The following EIF2AK3 variants were observed in gnomAD, a reference collection of about 807,000 sequenced individuals.
The protein encoded by EIF2AK3 is eukaryotic translation initiation factor 2-alpha kinase 3.
A neutral mutation model predicts 113.5 loss-of-function variants in EIF2AK3; 50 were observed. The observed-to-expected ratio is 0.44, with a 90% CI of 0.35 to 0.56. The LOEUF is 0.56. Among genes scored for constraint, EIF2AK3 ranks in the 20% least tolerant of loss-of-function variants. The pLI, the probability that EIF2AK3 is intolerant of heterozygous loss-of-function variation, is 0.00. For missense variants in EIF2AK3, 1,185 were observed against 1,378.0 expected (o/e 0.86, Z 2.22); for synonymous variants, 448 against 495.4 (o/e 0.90, Z 1.27).
rs200955126 is a variant in EIF2AK3, at chr2:88,574,898, G to A, written c.2585C>T (p.Thr862Ile). The change falls in exon 13 of 17, where the codon ACT becomes ATT. Residue 862 changes from threonine to isoleucine, a missense_variant. By Grantham distance (89) the Thr-to-Ile change is moderately conservative (BLOSUM62 -1). Coordinates refer to ENST00000303236, the MANE Select transcript of EIF2AK3 (RefSeq NM_004836.7). ...TLSISPPRPT[T>I]LSLDLTKNTT... ...GTTTTTAGTGAGATCTAAACTTAAA[G>A]TGGTTGGTCTTGGAGGAGAAATAGA... is the stretch of plus-strand genomic sequence containing the variant. The A allele has an allele frequency of 1.5e-5, 24 of 1,614,218 alleles. No individual in the cohort carries two copies. The East Asian group carries it at 4.5e-4, about 30-fold the overall frequency.
At chr2:88,567,086 G>A (rs1329164811) in intron 14 of EIF2AK3, among the ~76,000 whole-genome samples, 1 of 152,036 alleles carries the variant, frequency 6.6e-6, no homozygotes, top group African/African-American at 2.4e-5. Flanking sequence ...CAATATCCAT[G>A]ATATTTCTTT....
chr2:88,580,766 T>C (rs1290305275), intron 10 of EIF2AK3, among the ~76,000 whole-genome samples: 1 of 152,222 alleles, frequency 6.6e-6, no homozygotes, highest in Non-Finnish European at 1.5e-5. Flanking sequence ...TACTCATTTA[T>C]TTAGTAGTTG....
intron 2 of EIF2AK3, among the ~76,000 whole-genome samples, chr2:88,600,512 A>C (rs1308551800): frequency 6.6e-6 from 1 of 152,116 alleles, no homozygotes; most frequent in African/African-American, 2.4e-5. Context: ...AAAAAGTCTA[A>C]ATTTTTGTAT....
At chr2:88,613,956 C>A (rs1432746830) in intron 1 of EIF2AK3, 103 bp from the exon 2 acceptor site, 2 of 1,086,538 alleles carry the variant, frequency 1.8e-6, no homozygotes, top group Non-Finnish European at 2.7e-6. Context: ...GGCCTCTATT[C>A]GTAGAAAGGA....
chr2:88,581,231 AC>A (rs1674592423), intron 10 of EIF2AK3, among the ~76,000 whole-genome samples: 1 of 148,682 alleles, frequency 6.7e-6, no homozygotes. Flanking sequence ...AAAAAAAAAG[AC>A]CCAAGAGCTG....
chr2:88,588,691 T>C, intron 7 of EIF2AK3, 70 bp downstream of exon 7: 1 of 1,559,086 alleles, frequency 6.4e-7, no homozygotes, highest in Admixed American at 1.7e-5. Context: ...TATTCAAAAC[T>C]AGGGCAAAGA....
intron 2 of EIF2AK3, among the ~76,000 whole-genome samples, chr2:88,606,089 T>A (rs1675264918): frequency 6.6e-6 from 1 of 152,314 alleles, no homozygotes; most frequent in East Asian, 1.9e-4. Context: ...AGCAGAGAAA[T>A]ATCAAGTTGA....
Position 88,590,874 on chromosome 2 carries a change from C to A in EIF2AK3, c.946G>T (p.Asp316Tyr). 6.2e-7 allele frequency: 1 copy of A among 1,614,098 alleles called. No homozygotes were observed. Among genetic ancestry groups the A allele is most frequent in the South Asian group, 1.1e-5 (1 of 91,072 alleles). Residue 316 changes from aspartate (D) to tyrosine (Y), a missense_variant, in exon 5 of 17, where the codon GAC becomes TAC. Asp to Tyr is a radical substitution (Grantham distance 160, BLOSUM62 -3). Transcript: ENST00000303236. ...MDIVIKVSVADWKVMAFSKKG... is the reference protein window; with the variant it reads ...MDIVIKVSVAYWKVMAFSKKG... The stretch of plus-strand genomic sequence containing the variant: ...TTACTGAATGCCATAACTTTCCAGT[C>A]AGCAACCGAAACCTTTATCACTATG...
intron 11 of EIF2AK3, 93 bp from the exon 12 acceptor site, chr2:88,576,796 G>C (rs1182694822): frequency 1.5e-6 from 2 of 1,360,880 alleles, no homozygotes; most frequent in South Asian, 2.5e-5. Context: ...AAAATATGTA[G>C]ATGTATTATA....
At chr2:88,622,969 T>C (rs1675768556) in intron 1 of EIF2AK3, among the ~76,000 whole-genome samples, 1 of 152,218 alleles carries the variant, frequency 6.6e-6, no homozygotes, top group Admixed American at 6.5e-5. Context: ...AGTTTGCAGA[T>C]GCACAAATTG....
intron 14 of EIF2AK3, among the ~76,000 whole-genome samples, chr2:88,570,333 C>T (rs1344355297): frequency 2.0e-5 from 3 of 152,198 alleles, no homozygotes; most frequent in Non-Finnish European, 2.9e-5. Context: ...GCATGCTCGC[C>T]TGATGCTTCC....
chr2:88,591,063 C>T lies in EIF2AK3; in HGVS notation c.768-11G>A. The T allele has an allele frequency of 6.2e-7, 1 of 1,610,526 alleles. No individual in the cohort carries two copies. Among genetic ancestry groups the T allele is most frequent in the Non-Finnish European group, 8.5e-7 (1 of 1,176,916 alleles). Reference sequence around the variant, plus strand: ...ACACTGAAATTCCACCTTAAATTTACAAAGGTGTGTTTTAGAAATTTACAT... The same window carrying T: ...ACACTGAAATTCCACCTTAAATTTATAAAGGTGTGTTTTAGAAATTTACAT... On this transcript the variant is annotated splice_polypyrimidine_tract_variant and intron_variant, in intron 4 of 16. Transcript: ENST00000303236.
chr2:88,613,627 G>C (rs1289204126), intron 2 of EIF2AK3, 97 bp downstream of exon 2: 3 of 1,325,452 alleles, frequency 2.3e-6, no homozygotes, highest in South Asian at 1.2e-5. Flanking sequence ...AGGCAGACAG[G>C]CCTCAAACCT....
intron 3 of EIF2AK3, among the ~76,000 whole-genome samples, chr2:88,594,830 TAAAAAA>T (rs58582485): frequency 8.7e-6 from 1 of 115,078 alleles, no homozygotes; most frequent in Admixed American, 9.3e-5. Flanking sequence ...TGTCAAAATG[TAAAAAA>T]AAAAAAAAAA....
At chr2:88,582,981 T>C (rs1674635324) in intron 10 of EIF2AK3, among the ~76,000 whole-genome samples, 1 of 152,208 alleles carries the variant, frequency 6.6e-6, no homozygotes, top group African/African-American at 2.4e-5. Context: ...TACTTTTAGC[T>C]AATCCATCTC....
In EIF2AK3 at chr2:88,627,267, C is replaced by T; in HGVS notation, c.8G>A (p.Arg3His). 1 of 1,486,038 alleles carries T rather than the reference C, an allele frequency of 6.7e-7. No individual in the cohort carries two copies. Among genetic ancestry groups the T allele is most frequent in the Non-Finnish European group, 8.9e-7 (1 of 1,124,120 alleles). 92.1% of individuals were successfully genotyped at this position (1,486,038 alleles called of 1,614,324 possible). Residue 3 changes from arginine to histidine, a missense_variant, in exon 1 of 17, where the codon CGC becomes CAC. Transcript: ENST00000303236. ...TACCAGCAGCCCCGGGCTGATGGCG[C>T]GCTCCATCAGCGTCCCGCCCCGCGC... ME[R>H]AISPGLLVRA...
chr2:88,598,352 T>C (rs576096753), intron 2 of EIF2AK3, among the ~76,000 whole-genome samples: 2 of 152,122 alleles, frequency 1.3e-5, no homozygotes, highest in Admixed American at 1.3e-4. Context: ...AGAGTACTTA[T>C]TAGTTACAAG....
rs922968418 is a variant in EIF2AK3, at chr2:88,583,551, G to A, written c.1651-9C>T. 5 of 1,604,644 alleles carry A rather than the reference G, an allele frequency of 3.1e-6. No individual in the cohort carries two copies. The highest frequency in any genetic ancestry group is 4.3e-6 in the Non-Finnish European group (5 of 1,172,646). On this transcript the variant is annotated splice_polypyrimidine_tract_variant and intron_variant, in intron 9 of 16. Coordinates refer to ENST00000303236, the MANE Select transcript of EIF2AK3 (RefSeq NM_004836.7). Reference sequence around the variant, plus strand: ...TCAGACTCCTTCCTTTGCTGATAAGGTGAAAAACAAAATCACTACCAGTAC... The same window carrying A: ...TCAGACTCCTTCCTTTGCTGATAAGATGAAAAACAAAATCACTACCAGTAC...
chr2:88,576,987 CTT>C (rs765445450), intron 11 of EIF2AK3, among the ~76,000 whole-genome samples: 20 of 143,868 alleles, frequency 1.4e-4, no homozygotes, highest in Admixed American at 4.2e-4. Flanking sequence ...CTAGGTTATA[CTT>C]TTTTTTTTTT....
Sources: allele counts gnomAD v4.1 joint callset (sites outside exome capture counted in the v4.1 genomes callset), GRCh38; gene constraint gnomAD v4.1.1; transcripts MANE v1.5; gene names NCBI Gene and HGNC (gene_info 2026-07-23, HGNC 2026-07-21).